The following SEMA3A variants were observed in gnomAD, a reference collection of about 807,000 sequenced individuals.
SEMA3A encodes the protein semaphorin 3A, also known as semaphorin-3A.
A neutral mutation model predicts 97.9 loss-of-function variants in SEMA3A; 29 were observed. The observed-to-expected ratio is 0.30, with a 90% CI of 0.22 to 0.40. The LOEUF (loss-of-function observed/expected upper bound fraction) is 0.40, where lower values mean the gene tolerates loss of function less well. SEMA3A is among the 10% of genes least tolerant of loss of function. The probability of loss-of-function intolerance (pLI) is 1.00; values close to 1 mark genes in which losing one functional copy is unlikely to be tolerated. For synonymous variants in SEMA3A, 321 were observed against 323.7 expected (o/e 0.99, Z 0.09); for missense variants, 763 against 951.3 (o/e 0.80, Z 2.60).
At chr7:84,408,076 CAAAGA>C (rs1337595390) in intron 1 of SEMA3A, among the ~76,000 whole-genome samples, 1 of 152,056 alleles carries the variant, frequency 6.6e-6, no homozygotes, top group African/African-American at 2.4e-5. Context: ...TTCTGCACAG[CAAAGA>C]AAACCACCAT....
chr7:84,199,010 T>C (rs1240544391), upstream of SEMA3A, among the ~76,000 whole-genome samples: 6 of 152,230 alleles, frequency 3.9e-5, no homozygotes, highest in Non-Finnish European at 8.8e-5. Flanking sequence ...ATGTGTCTAA[T>C]TTTAAAATGT....
chr7:84,385,724 T>C (rs1803380008), intron 1 of SEMA3A, among the ~76,000 whole-genome samples: 1 of 152,216 alleles, frequency 6.6e-6, no homozygotes, highest in Non-Finnish European at 1.5e-5. Context: ...GTCCGTAACC[T>C]ATTTTTTGCT....
chr7:84,010,447 G>C (rs1455763659), intron 9 of SEMA3A, among the ~76,000 whole-genome samples: 2 of 152,122 alleles, frequency 1.3e-5, no homozygotes, highest in African/African-American at 4.8e-5. Flanking sequence ...CTGTGGAATA[G>C]AGATACTGGG....
At chr7:84,381,902 G>A (rs1031598590) in intron 1 of SEMA3A, among the ~76,000 whole-genome samples, 1 of 152,072 alleles carries the variant, frequency 6.6e-6, no homozygotes, top group Non-Finnish European at 1.5e-5. Flanking sequence ...AAGAAAGTTT[G>A]AGGACTTACT....
At chr7:84,301,782 T>C (rs1323239937) in intron 3 of SEMA3A, among the ~76,000 whole-genome samples, 1 of 152,176 alleles carries the variant, frequency 6.6e-6, no homozygotes, top group Non-Finnish European at 1.5e-5. Context: ...TTAAGTACTA[T>C]AGTTTGCAGA....
intron 3 of SEMA3A, among the ~76,000 whole-genome samples, chr7:84,245,549 T>C (rs1287739874): frequency 6.6e-6 from 1 of 151,710 alleles, no homozygotes; most frequent in Non-Finnish European, 1.5e-5. Flanking sequence ...CTTCTTTAGC[T>C]CAGAGGAGTT....
chr7:84,440,159 C>A (rs1405410450), intron 1 of SEMA3A, among the ~76,000 whole-genome samples: 4 of 152,166 alleles, frequency 2.6e-5, no homozygotes, highest in African/African-American at 9.7e-5. Context: ...ACCTAGACAA[C>A]AATTACAATG....
intron 1 of SEMA3A, among the ~76,000 whole-genome samples, chr7:84,375,871 A>G (rs1803084178): frequency 6.6e-6 from 1 of 152,140 alleles, no homozygotes. Context: ...AGCCTCTAGG[A>G]ACCACTATTC....
At chr7:84,233,845 CT>C (rs1318607381) in intron 3 of SEMA3A, among the ~76,000 whole-genome samples, 1 of 151,944 alleles carries the variant, frequency 6.6e-6, no homozygotes, top group African/African-American at 2.4e-5. Flanking sequence ...TGTAGCAGTG[CT>C]TTTGGTGAAG....
intron 1 of SEMA3A, among the ~76,000 whole-genome samples, chr7:84,181,023 A>T (rs1797720674): frequency 6.6e-6 from 1 of 152,046 alleles, no homozygotes; most frequent in Non-Finnish European, 1.5e-5. Flanking sequence ...AATACACTTG[A>T]TTTCAGTCTA....
At chr7:84,422,568 G>C (rs1804630944) in intron 1 of SEMA3A, among the ~76,000 whole-genome samples, 1 of 151,830 alleles carries the variant, frequency 6.6e-6, no homozygotes, top group African/African-American at 2.4e-5. Context: ...TTTTGAATTT[G>C]TTTGCTCTTG....
intron 1 of SEMA3A, among the ~76,000 whole-genome samples, chr7:84,458,259 T>G (rs1405289400): frequency 6.6e-6 from 1 of 152,070 alleles, no homozygotes; most frequent in Admixed American, 6.6e-5. Flanking sequence ...GTAGTTTTTT[T>G]GTAAAAAGAA....
At chr7:84,132,529 T>G (rs1795989963) in intron 2 of SEMA3A, among the ~76,000 whole-genome samples, 1 of 152,106 alleles carries the variant, frequency 6.6e-6, no homozygotes, top group Middle Eastern at 3.4e-3. Context: ...TATTCTATGC[T>G]CATAAAGCTA....
chr7:84,033,795 C>A (rs554587471), intron 6 of SEMA3A, among the ~76,000 whole-genome samples: 2 of 151,978 alleles, frequency 1.3e-5, no homozygotes, highest in African/African-American at 2.4e-5. Flanking sequence ...ACTGGGTGGG[C>A]CCTGAGAGTC....
intron 2 of SEMA3A, among the ~76,000 whole-genome samples, chr7:84,337,652 A>T (rs1247961859): frequency 6.6e-6 from 1 of 152,084 alleles, no homozygotes; most frequent in Non-Finnish European, 1.5e-5. Flanking sequence ...TTGTGTTGAG[A>T]TCTCAATGAA....
chr7:84,322,819 C>A (rs1222394688), intron 2 of SEMA3A, among the ~76,000 whole-genome samples: 3 of 152,164 alleles, frequency 2.0e-5, no homozygotes, highest in Admixed American at 6.5e-5. Context: ...TGTGAAATCA[C>A]ATCAGTCATG....
intron 2 of SEMA3A, among the ~76,000 whole-genome samples, chr7:84,311,348 G>T (rs1801311636): frequency 6.6e-6 from 1 of 151,844 alleles, no homozygotes; most frequent in Non-Finnish European, 1.5e-5. Flanking sequence ...TAGAATAAAT[G>T]TATGTATTTG....
chr7:84,257,785 GTA>G (rs1440757363), intron 3 of SEMA3A, among the ~76,000 whole-genome samples: 1 of 152,072 alleles, frequency 6.6e-6, no homozygotes, highest in African/African-American at 2.4e-5. Context: ...GTGGCAAAAA[GTA>G]TATGTTTTTA....
intron 1 of SEMA3A, among the ~76,000 whole-genome samples, chr7:84,424,825 T>C (rs1417195541): frequency 2.0e-5 from 2 of 100,606 alleles, no homozygotes; most frequent in Admixed American, 3.2e-4. Flanking sequence ...TATAATATAA[T>C]GATATCTAAA....
Sources: allele counts gnomAD v4.1 joint callset (sites outside exome capture counted in the v4.1 genomes callset), GRCh38; gene constraint gnomAD v4.1.1; transcripts MANE v1.5; gene names NCBI Gene and HGNC (gene_info 2026-07-23, HGNC 2026-07-21).